PALM2AKAP2: variants seen among roughly 807,000 people sequenced by gnomAD.
PALM2AKAP2 encodes PALM2 and AKAP2 fusion, also known as PALM2-AKAP2 fusion protein.
In PALM2AKAP2, 37 loss-of-function variants were observed where a neutral mutation model predicts 71.5. The ratio of observed to expected loss-of-function variants is 0.52; its 90% CI spans 0.40 to 0.68. The LOEUF (loss-of-function observed/expected upper bound fraction) is 0.68. PALM2AKAP2 is among the 30% of genes least tolerant of loss of function. The probability of loss-of-function intolerance (pLI) is 0.00; values close to 1 mark genes in which losing one functional copy is unlikely to be tolerated. For synonymous variants in PALM2AKAP2, 468 were observed against 478.8 expected, an observed-to-expected ratio of 0.98 and a Z score of 0.29; for missense variants, 1,224 against 1,191.8, an observed-to-expected ratio of 1.03 and a Z score of -0.40.
chr9:110,111,282 G>A (rs1238895808), intron 1 of PALM2AKAP2, among the ~76,000 whole-genome samples: 1 of 149,538 alleles, frequency 6.7e-6, no homozygotes, highest in Non-Finnish European at 1.5e-5. Context: ...TTGTAGAGAT[G>A]GGGTCTCATT....
At position 110,024,097 on chromosome 9, in the gene PALM2AKAP2, A is replaced by G. The variant is rs150463533; in HGVS notation, c.582+8058A>G. On this transcript the variant is annotated intron_variant, in intron 7 of 9. Transcript: ENST00000302798. ...CTCTAAATTGTAGTTCTTTTTTTAA[A>G]TAACACAACTTTATTAAGGATAAAA... 3.3e-5 allele frequency among the ~76,000 whole-genome samples: 5 copies of G among 152,248 alleles called. No individual in the cohort carries two copies. The East Asian group carries it at 9.6e-4, about 29-fold the overall frequency.
intron 1 of PALM2AKAP2, among the ~76,000 whole-genome samples, chr9:110,070,020 G>A (rs1259677524): frequency 2.0e-5 from 3 of 152,210 alleles, no homozygotes; most frequent in Admixed American, 6.5e-5. Flanking sequence ...ACCCAGGAGA[G>A]GAAGAGGGTT....
At chr9:109,979,417 C>T (rs7871446) in intron 6 of PALM2AKAP2, among the ~76,000 whole-genome samples, 13,677 of 152,174 alleles carry the variant, frequency 0.09, 683 homozygotes, top group African/African-American at 0.097. Context: ...TGTGTGGCAA[C>T]GTGGGGATAT....
chr9:110,110,625 C>A (rs138910360), intron 1 of PALM2AKAP2, among the ~76,000 whole-genome samples: 1 of 146,324 alleles, frequency 6.8e-6, no homozygotes, highest in Non-Finnish European at 1.5e-5. Flanking sequence ...TGGCTCACTG[C>A]AACCTCTGCC....
chr9:109,799,660 AT>A (rs543038556), intron 1 of PALM2AKAP2, among the ~76,000 whole-genome samples: 2 of 152,006 alleles, frequency 1.3e-5, no homozygotes, highest in Admixed American at 6.5e-5. Flanking sequence ...TGCCTGGTTA[AT>A]TTTTTTGTAT....
At chr9:109,758,190 C>A (rs1390776958) in intron 1 of PALM2AKAP2, among the ~76,000 whole-genome samples, 1 of 152,112 alleles carries the variant, frequency 6.6e-6, no homozygotes, top group Non-Finnish European at 1.5e-5. Flanking sequence ...CCCATCAGTG[C>A]ATGAAGAGTT....
chr9:109,893,969 TTAAAA>T (rs1008227117), intron 3 of PALM2AKAP2, among the ~76,000 whole-genome samples: 12 of 151,166 alleles, frequency 7.9e-5, no homozygotes, highest in African/African-American at 2.7e-4. Flanking sequence ...ACCCCAGACT[TTAAAA>T]TAAAAGTTGA....
At chr9:109,899,936 C>G (rs1379144314) in intron 3 of PALM2AKAP2, among the ~76,000 whole-genome samples, 1 of 152,218 alleles carries the variant, frequency 6.6e-6, no homozygotes, top group African/African-American at 2.4e-5. Flanking sequence ...ATTTTTTTCT[C>G]TATCCTCCTC....
intron 1 of PALM2AKAP2, among the ~76,000 whole-genome samples, chr9:109,789,935 C>G (rs1234011663): frequency 6.6e-6 from 1 of 152,186 alleles, no homozygotes; most frequent in Non-Finnish European, 1.5e-5. Context: ...AGAGACAAGA[C>G]TACACCCTAT....
chr9:109,660,453 T>C (rs541743462), intron 1 of PALM2AKAP2, among the ~76,000 whole-genome samples: 85 of 152,300 alleles, frequency 5.6e-4, no homozygotes, highest in African/African-American at 1.9e-3. Context: ...TGTGTTTGGT[T>C]TTCTGTCCTT....
intron 1 of PALM2AKAP2, among the ~76,000 whole-genome samples, chr9:109,738,662 G>A (rs1453401212): frequency 6.6e-6 from 1 of 152,210 alleles, no homozygotes; most frequent in Non-Finnish European, 1.5e-5. Context: ...CAACAGAGAA[G>A]AGTTGCTAGG....
intron 1 of PALM2AKAP2, among the ~76,000 whole-genome samples, chr9:109,733,763 A>T (rs1434187386): frequency 6.6e-6 from 1 of 152,140 alleles, no homozygotes; most frequent in Non-Finnish European, 1.5e-5. Flanking sequence ...ATCATCAGGG[A>T]TTCTTTTTTC....
At chr9:109,641,928 T>C (rs1827075444) in intron 1 of PALM2AKAP2, among the ~76,000 whole-genome samples, 3 of 152,184 alleles carry the variant, frequency 2.0e-5, no homozygotes, top group South Asian at 4.1e-4. Context: ...AAGTGAGAGA[T>C]GGTGTAGCAT....
At chr9:110,050,650 G>A (rs1021576119) in intron 1 of PALM2AKAP2, among the ~76,000 whole-genome samples, 2 of 141,904 alleles carry the variant, frequency 1.4e-5, no homozygotes, top group Admixed American at 6.9e-5. Context: ...CTTTTCTTTC[G>A]AAGTTTTGCT....
intron 4 of PALM2AKAP2, 43 bp downstream of exon 4, chr9:109,923,892 G>A: frequency 1.3e-6 from 2 of 1,512,364 alleles, no homozygotes; most frequent in Non-Finnish European, 1.8e-6. Flanking sequence ...TTTCCATGGG[G>A]AAGTAGGGCC....
At chr9:109,844,144 CTAAGTGCTTT>C (rs1221334981) in intron 1 of PALM2AKAP2, among the ~76,000 whole-genome samples, 1 of 152,182 alleles carries the variant, frequency 6.6e-6, no homozygotes, top group Admixed American at 6.5e-5. Context: ...CAGGCTTCAG[CTAAGTGCTTT>C]CTGGAATTAT....
intron 1 of PALM2AKAP2, among the ~76,000 whole-genome samples, chr9:109,725,648 G>A (rs1013898660): frequency 6.6e-6 from 1 of 152,062 alleles, no homozygotes; most frequent in Non-Finnish European, 1.5e-5. Flanking sequence ...ATACTATACA[G>A]GCATTAAAAA....
chr9:109,927,644 CA>C (rs2131975418), intron 5 of PALM2AKAP2, among the ~76,000 whole-genome samples: 1 of 152,270 alleles, frequency 6.6e-6, no homozygotes, highest in Admixed American at 6.5e-5. Flanking sequence ...ACTGCTGGAT[CA>C]CCAGTGGCTT....
intron 6 of PALM2AKAP2, among the ~76,000 whole-genome samples, chr9:110,001,975 C>T (rs1588052739): frequency 6.6e-6 from 1 of 152,320 alleles, no homozygotes; most frequent in Non-Finnish European, 1.5e-5. Context: ...GACAATTTGA[C>T]TTCCTCTTTT....
Sources: allele counts gnomAD v4.1 joint callset (sites outside exome capture counted in the v4.1 genomes callset), GRCh38; gene constraint gnomAD v4.1.1; transcripts MANE v1.5; gene names NCBI Gene and HGNC (gene_info 2026-07-23, HGNC 2026-07-21).